The following DHRS3 variants were observed in gnomAD, a reference collection of about 807,000 sequenced individuals.
The protein encoded by DHRS3 is short-chain dehydrogenase/reductase 3.
Under a neutral mutation model 27.2 loss-of-function variants are expected in DHRS3, and 14 were observed. That is an observed-to-expected ratio of 0.52 (90% confidence interval 0.34 to 0.81). The LOEUF (loss-of-function observed/expected upper bound fraction) is 0.81. Among genes scored for constraint, DHRS3 ranks in the 30% least tolerant of loss-of-function variants. The pLI is 0.01. For synonymous variants in DHRS3, 165 were observed against 175.9 expected (o/e 0.94, Z 0.49); for missense variants, 322 against 406.2 (o/e 0.79, Z 1.78).
intron 4 of DHRS3, among the ~76,000 whole-genome samples, chr1:12,576,007 G>T (rs78821424): frequency 0.042 from 6,408 of 151,890 alleles, 194 homozygotes; most frequent in East Asian, 0.17. Context: ...GTGCCCAGCT[G>T]GGGATACTAT....
chr1:12,607,430 G>A (rs943373875), intron 1 of DHRS3, among the ~76,000 whole-genome samples: 5 of 152,194 alleles, frequency 3.3e-5, no homozygotes, highest in African/African-American at 1.2e-4. Flanking sequence ...ATGATAGTGA[G>A]GGAGCTCTCA....
chr1:12,589,681 G>A (rs1646729081), intron 1 of DHRS3, among the ~76,000 whole-genome samples: 1 of 152,112 alleles, frequency 6.6e-6, no homozygotes, highest in Non-Finnish European at 1.5e-5. Context: ...TTAAGAAAGG[G>A]CACAATAAAT....
At chr1:12,590,642 TAA>T (rs879448990) in intron 1 of DHRS3, among the ~76,000 whole-genome samples, 1 of 145,836 alleles carries the variant, frequency 6.9e-6, no homozygotes, top group Admixed American at 6.9e-5. Context: ...ACTCTGTCGC[TAA>T]AAAAAAAAAA....
intron 5 of DHRS3, 39 bp from the exon 6 acceptor site, chr1:12,568,463 T>C (rs2100633431): frequency 1.9e-6 from 3 of 1,599,984 alleles, no homozygotes; most frequent in Non-Finnish European, 2.6e-6. Context: ...CGATGGTTAG[T>C]GGGGCAGGAT....
intron 1 of DHRS3, among the ~76,000 whole-genome samples, chr1:12,603,372 CTT>C (rs1490115548): frequency 1.3e-5 from 2 of 152,170 alleles, no homozygotes; most frequent in African/African-American, 4.8e-5. Context: ...TATTTTTTTC[CTT>C]TCTTTAAAAC....
Position 12,617,305 on chromosome 1 carries a change from T to C in DHRS3, c.44A>G (p.Gln15Arg). ...RLGALVMFPL[Q>R]MIYLVVKAAV... The stretch of plus-strand genomic sequence containing the variant: ...TGCTTTCACCACCAGATAGATCATC[T>C]GTAGAGGGAACATCACCAGCGCGCC... Residue 15 changes from glutamine (Q) to arginine (R), a missense_variant, in exon 1 of 6, where the codon CAG becomes CGG. Gln to Arg is a conservative substitution (Grantham distance 43, BLOSUM62 1). Transcript: ENST00000616661. The C allele has an allele frequency of 6.2e-7, 1 of 1,611,094 alleles. No homozygotes were observed. The highest frequency in any genetic ancestry group is 2.2e-5 in the East Asian group (1 of 44,710).
intron 1 of DHRS3, among the ~76,000 whole-genome samples, chr1:12,597,943 G>A (rs1646809810): frequency 6.6e-6 from 1 of 152,176 alleles, no homozygotes; most frequent in Non-Finnish European, 1.5e-5. Context: ...ATCGCACAGA[G>A]GGTGCCCAAC....
At position 12,593,577 on chromosome 1, in the gene DHRS3, C is replaced by T. The variant is rs1027259498; in HGVS notation, c.196-12911G>A. ...ATGTAAAATGCCCCAACCCCACAAA[C>T]ACCAGCTCTGATTTGATTTACAAAT... On this transcript the variant is annotated intron_variant, in intron 1 of 5. Coordinates refer to ENST00000616661, the MANE Select transcript of DHRS3 (RefSeq NM_004753.7). This position sits in a 1 kb window ranked among gnomAD's most constrained non-coding sequence, Gnocchi z 4.6. Among the ~76,000 whole-genome samples the T allele has an allele frequency of 1.3e-5, 2 of 152,116 alleles. No homozygotes were observed. Among genetic ancestry groups the T allele is most frequent in the Non-Finnish European group, 2.9e-5 (2 of 68,022 alleles).
At position 12,608,983 on chromosome 1, in the gene DHRS3, G is replaced by A. The variant is rs1646889265; in HGVS notation, c.195+8171C>T. Among the ~76,000 whole-genome samples the A allele has an allele frequency of 6.6e-6, 1 of 152,238 alleles. No homozygotes were observed. Among genetic ancestry groups the A allele is most frequent in the African/African-American group, 2.4e-5 (1 of 41,460 alleles). ...CCAGTTGGTCAAGGGCCCTGTCAAA[G>A]TGCTGGCCCACATGGACACAATACC... On this transcript the variant is annotated intron_variant, in intron 1 of 5. Coordinates refer to ENST00000616661, the MANE Select transcript of DHRS3 (RefSeq NM_004753.7). The surrounding 1 kb of genome is among the most constrained non-coding windows in gnomAD (Gnocchi z 4.1).
At chr1:12,597,090 C>T (rs187790946) in intron 1 of DHRS3, among the ~76,000 whole-genome samples, 17 of 152,084 alleles carry the variant, frequency 1.1e-4, no homozygotes, top group Non-Finnish European at 1.9e-4. Flanking sequence ...GATCTCCCCC[C>T]GCCCTAGACG....
intron 1 of DHRS3, among the ~76,000 whole-genome samples, chr1:12,597,100 G>A (rs1012244470): frequency 6.6e-6 from 1 of 152,014 alleles, no homozygotes; most frequent in Non-Finnish European, 1.5e-5. Flanking sequence ...CGCCCTAGAC[G>A]GAGTCTCACT....
chr1:12,604,919 C>T (rs947902271), intron 1 of DHRS3, among the ~76,000 whole-genome samples: 1 of 152,076 alleles, frequency 6.6e-6, no homozygotes, highest in East Asian at 1.9e-4. Context: ...GTGGCGCATG[C>T]CTGTAATCCC....
chr1:12,568,583 C>T (rs1181980245), intron 5 of DHRS3, among the ~76,000 whole-genome samples, 159 bp from the exon 6 acceptor site: 3 of 152,140 alleles, frequency 2.0e-5, no homozygotes, highest in Non-Finnish European at 2.9e-5. Context: ...CAAACCCCCA[C>T]CCTCCCCAGG....
chr1:12,584,881 G>A lies in DHRS3; in HGVS notation c.196-4215C>T, dbSNP rs532325753. On this transcript the variant is annotated intron_variant, in intron 1 of 5. Coordinates refer to ENST00000616661, the MANE Select transcript of DHRS3 (RefSeq NM_004753.7). Reference sequence around the variant, plus strand: ...GTTTCTGTAGTATGTCTCTGTAAGTGTGTGTGTGTGTGTGTCTGTGTGGGT... The same window carrying A: ...GTTTCTGTAGTATGTCTCTGTAAGTATGTGTGTGTGTGTGTCTGTGTGGGT... 0.013 allele frequency among the ~76,000 whole-genome samples: 72 copies of A among 5,484 alleles called. 2 individuals carry two copies. In the South Asian group the frequency reaches 0.15, roughly 12 times the overall value. 3.6% of individuals were successfully genotyped at this position (5,484 alleles called of 152,430 possible).
At chr1:12,576,328 C>T (rs1202182216) in intron 4 of DHRS3, among the ~76,000 whole-genome samples, 5 of 151,738 alleles carry the variant, frequency 3.3e-5, no homozygotes, top group East Asian at 3.9e-4. Flanking sequence ...TTTGGGAGGC[C>T]GAGGTGGACG....
chr1:12,569,576 A>AT (rs35559569), intron 5 of DHRS3, among the ~76,000 whole-genome samples: 5 of 151,900 alleles, frequency 3.3e-5, no homozygotes, highest in Non-Finnish European at 5.9e-5. Flanking sequence ...TGTTTATTAT[A>AT]TTTTTTTGAG....
intron 1 of DHRS3, among the ~76,000 whole-genome samples, chr1:12,588,698 C>T (rs899449251): frequency 2.0e-5 from 3 of 152,242 alleles, no homozygotes; most frequent in African/African-American, 4.8e-5. Flanking sequence ...CTTCTCTACC[C>T]AGCCTTGCCT....
rs531608646 is a variant in DHRS3, at chr1:12,608,299, G to A, written c.195+8855C>T. Among the ~76,000 whole-genome samples the A allele has an allele frequency of 2.0e-5, 3 of 152,156 alleles. No individual in the cohort carries two copies. The highest frequency in any genetic ancestry group is 4.8e-5 in the African/African-American group (2 of 41,498). On this transcript the variant is annotated intron_variant, in intron 1 of 5. Coordinates refer to ENST00000616661, the MANE Select transcript of DHRS3 (RefSeq NM_004753.7). This position sits in a 1 kb window ranked among gnomAD's most constrained non-coding sequence, Gnocchi z 4.1. Reference sequence around the variant, plus strand: ...GTACCACAGACATGTAGAGTACCACGGTCATGAATATTACTAGGAACGCAA... The same window carrying A: ...GTACCACAGACATGTAGAGTACCACAGTCATGAATATTACTAGGAACGCAA...
chr1:12,589,391 CTTTTT>C (rs70987258), intron 1 of DHRS3, among the ~76,000 whole-genome samples: 1 of 136,418 alleles, frequency 7.3e-6, no homozygotes, highest in African/African-American at 2.8e-5. Context: ...TTTTCTTTTT[CTTTTT>C]TTTTTTTTTT....
Sources: allele counts gnomAD v4.1 joint callset (sites outside exome capture counted in the v4.1 genomes callset), GRCh38; gene constraint gnomAD v4.1.1; non-coding constraint Gnocchi (gnomAD v3.1); transcripts MANE v1.5; gene names NCBI Gene and HGNC (gene_info 2026-07-23, HGNC 2026-07-21).